DERA: variants seen among roughly 807,000 people sequenced by gnomAD.
DERA encodes the protein deoxyribose-phosphate aldolase.
A neutral mutation model predicts 41.1 loss-of-function variants in DERA; 15 were observed. The ratio of observed to expected loss-of-function variants is 0.37; its 90% CI spans 0.24 to 0.56. DERA has a LOEUF of 0.56. DERA is among the 20% of genes least tolerant of loss of function. The pLI is 0.81. For missense variants in DERA, 396 were observed against 403.4 expected (o/e 0.98, Z 0.16); for synonymous variants, 139 against 137.4 (o/e 1.01, Z -0.08).
rs946867096 is a variant in DERA, at chr12:15,999,348, A to T, written c.637+16912A>T. Among the ~76,000 whole-genome samples the T allele has an allele frequency of 4.6e-5, 7 of 152,192 alleles. No homozygotes were observed. Among genetic ancestry groups the T allele is most frequent in the African/African-American group, 1.7e-4 (7 of 41,438 alleles). ...TAGTTCCTGGCCTTAAAAAAGTGAC[A>T]TTATCTCTTAGTGTGGTGAAGAAGT... On this transcript the variant is annotated intron_variant, in intron 6 of 8. Transcript: ENST00000428559. This position sits in a 1 kb window ranked among gnomAD's most constrained non-coding sequence, Gnocchi z 5.3.
At chr12:16,029,207 G>A (rs992597290) in intron 6 of DERA, among the ~76,000 whole-genome samples, 1 of 152,200 alleles carries the variant, frequency 6.6e-6, no homozygotes, top group Non-Finnish European at 1.5e-5. Context: ...GGCTGAGGTG[G>A]GCGGATCACG....
intron 1 of DERA, among the ~76,000 whole-genome samples, chr12:15,933,220 T>C (rs1220544208): frequency 2.0e-5 from 3 of 152,162 alleles, no homozygotes; most frequent in Admixed American, 2.0e-4. Context: ...GTAGTTCTGT[T>C]TTTAATTTTT....
At position 15,966,490 on chromosome 12, in the gene DERA, G is replaced by T. The variant is rs1592023931; in HGVS notation, c.508+3543G>T. 6.6e-6 allele frequency among the ~76,000 whole-genome samples: 1 copy of T among 151,820 alleles called. No individual in the cohort carries two copies. Among genetic ancestry groups the T allele is most frequent in the East Asian group, 1.9e-4 (1 of 5,164 alleles). Reference sequence around the variant, plus strand: ...AAAAAAAAAAAAAGAATTCTGCAAAGAGTTATATTTATTTGTTTGTCTTGA... The same window carrying T: ...AAAAAAAAAAAAAGAATTCTGCAAATAGTTATATTTATTTGTTTGTCTTGA... On this transcript the variant is annotated intron_variant, in intron 5 of 8. Coordinates refer to ENST00000428559, the MANE Select transcript of DERA (RefSeq NM_015954.4). The surrounding 1 kb of genome is among the most constrained non-coding windows in gnomAD (Gnocchi z 5.1).
rs1452728133 is a variant in DERA, at chr12:15,940,342, A to G, written c.32-16594A>G. The stretch of plus-strand genomic sequence containing the variant: ...TAATAACTACTGCTTTCCTTTTTTT[A>G]TTTTATTTTATTATTATTTTTTTAT... On this transcript the variant is annotated intron_variant, in intron 1 of 8. Coordinates refer to ENST00000428559, the MANE Select transcript of DERA (RefSeq NM_015954.4). The surrounding 1 kb of genome is among the most constrained non-coding windows in gnomAD (Gnocchi z 5.1). Among the ~76,000 whole-genome samples the G allele has an allele frequency of 2.0e-5, 3 of 151,504 alleles. No individual in the cohort carries two copies. Among genetic ancestry groups the G allele is most frequent in the Admixed American group, 6.6e-5 (1 of 15,206 alleles).
intron 5 of DERA, among the ~76,000 whole-genome samples, chr12:15,978,659 T>C (rs911687704): frequency 6.6e-6 from 1 of 152,220 alleles, no homozygotes; most frequent in Admixed American, 6.5e-5. Context: ...TTGTTTGTGA[T>C]ATATAGTAAG....
At chr12:16,032,918 A>G in intron 7 of DERA, 1 of 345,442 alleles carries the variant, frequency 2.9e-6, no homozygotes, top group Non-Finnish European at 5.3e-6. Flanking sequence ...ACCGAAGACA[A>G]TTTTGTCACT....
chr12:15,991,495 A>C (rs545666362), intron 6 of DERA, among the ~76,000 whole-genome samples: 38 of 152,316 alleles, frequency 2.5e-4, no homozygotes, highest in Admixed American at 7.2e-4. Flanking sequence ...TAGCAGCAAC[A>C]TCAGCTCTTC....
intron 1 of DERA, among the ~76,000 whole-genome samples, chr12:15,926,503 G>A (rs1413098855): frequency 2.0e-5 from 3 of 152,062 alleles, no homozygotes; most frequent in Non-Finnish European, 4.4e-5. Flanking sequence ...TTGGGAGGCC[G>A]AGGCGGGCGG....
chr12:15,941,094 G>T lies in DERA; in HGVS notation c.32-15842G>T, dbSNP rs1009616037. Among the ~76,000 whole-genome samples the T allele has an allele frequency of 6.6e-6, 1 of 152,162 alleles. No homozygotes were observed. The highest frequency in any genetic ancestry group is 1.5e-5 in the Non-Finnish European group (1 of 68,032). ...AGCCTGACCCAAAGAAAATAGTTTA[G>T]ATTTACAGAATTTGATAAATCATAA... On this transcript the variant is annotated intron_variant, in intron 1 of 8. Coordinates refer to ENST00000428559, the MANE Select transcript of DERA (RefSeq NM_015954.4). This position sits in a 1 kb window ranked among gnomAD's most constrained non-coding sequence, Gnocchi z 4.5.
chr12:15,960,887 G>T (rs561220144), intron 4 of DERA, among the ~76,000 whole-genome samples: 5 of 152,270 alleles, frequency 3.3e-5, no homozygotes, highest in East Asian at 1.9e-4. Flanking sequence ...AACTGGAAAA[G>T]GTTTGCTGTT....
At chr12:16,022,532 A>C (rs1949023492) in intron 6 of DERA, among the ~76,000 whole-genome samples, 1 of 152,194 alleles carries the variant, frequency 6.6e-6, no homozygotes, top group Non-Finnish European at 1.5e-5. Context: ...CTAGACAATA[A>C]AGGCTTGGCT....
intron 1 of DERA, among the ~76,000 whole-genome samples, chr12:15,919,645 G>T (rs1453642114): frequency 6.6e-6 from 1 of 152,214 alleles, no homozygotes; most frequent in Non-Finnish European, 1.5e-5. Flanking sequence ...CAAAGTGGTT[G>T]CAAGGGAAGG....
chr12:16,029,913 CTTTTTTT>C (rs71438364), intron 6 of DERA, among the ~76,000 whole-genome samples: 18 of 59,688 alleles, frequency 3.0e-4, no homozygotes, highest in Non-Finnish European at 5.3e-4. Context: ...TAGCCTTGGT[CTTTTTTT>C]TTTTTTTTTT....
chr12:15,981,240 C>A lies in DERA; in HGVS notation c.509-1068C>A, dbSNP rs960331211. Reference sequence around the variant, plus strand: ...GCAGGCGCCTGTAGTCCCAGCTACTCGGGAGGCTGAGGCAGGAGAATGGCG... The same window carrying A: ...GCAGGCGCCTGTAGTCCCAGCTACTAGGGAGGCTGAGGCAGGAGAATGGCG... On this transcript the variant is annotated intron_variant, in intron 5 of 8. Transcript: ENST00000428559. The surrounding 1 kb of genome is among the most constrained non-coding windows in gnomAD (Gnocchi z 6.1). Among the ~76,000 whole-genome samples the A allele has an allele frequency of 3.3e-5, 5 of 152,010 alleles. No homozygotes were observed. Among genetic ancestry groups the A allele is most frequent in the Non-Finnish European group, 5.9e-5 (4 of 68,014 alleles).
rs948905776 is a variant in DERA, at chr12:15,996,804, T to A, written c.637+14368T>A. On this transcript the variant is annotated intron_variant, in intron 6 of 8. Coordinates refer to ENST00000428559, the MANE Select transcript of DERA (RefSeq NM_015954.4). The surrounding 1 kb of genome is among the most constrained non-coding windows in gnomAD (Gnocchi z 4.7). ...TTGACTCAAACCCAGCAAACTTGAATTCAGGTACAAAAGATTGATTTTTCC... is the reference window on the plus strand; with the variant it reads ...TTGACTCAAACCCAGCAAACTTGAAATCAGGTACAAAAGATTGATTTTTCC... Among the ~76,000 whole-genome samples, 1 of 152,204 alleles carries A rather than the reference T, an allele frequency of 6.6e-6. No homozygotes were observed. Among genetic ancestry groups the A allele is most frequent in the Non-Finnish European group, 1.5e-5 (1 of 68,036 alleles).
rs1450820310 is a variant in DERA, at chr12:15,965,590, T to C, written c.508+2643T>C. ...TCTCATGGATGTGAGAGTCCACAGT[T>C]TAGGGTATGAATTCGAGGAGACTGG... On this transcript the variant is annotated intron_variant, in intron 5 of 8. Coordinates refer to ENST00000428559, the MANE Select transcript of DERA (RefSeq NM_015954.4). This position sits in a 1 kb window ranked among gnomAD's most constrained non-coding sequence, Gnocchi z 4.1. 2.6e-5 allele frequency among the ~76,000 whole-genome samples: 4 copies of C among 152,056 alleles called. No individual in the cohort carries two copies. Among genetic ancestry groups the C allele is most frequent in the Admixed American group, 6.6e-5 (1 of 15,266 alleles).
Position 16,012,271 on chromosome 12 carries a change from A to G in DERA, c.638-20271A>G, listed in dbSNP as rs993018641. Among the ~76,000 whole-genome samples the G allele has an allele frequency of 1.3e-5, 2 of 152,222 alleles. No homozygotes were observed. The highest frequency in any genetic ancestry group is 2.9e-5 in the Non-Finnish European group (2 of 68,036). On this transcript the variant is annotated intron_variant, in intron 6 of 8. Transcript: ENST00000428559. This position sits in a 1 kb window ranked among gnomAD's most constrained non-coding sequence, Gnocchi z 4.1. ...TTTTAGAGTTACTCCTGTGTATTTG[A>G]AAACTGAAAGCAAAGCCAGTTCCAG...
rs1948950218 is a variant in DERA, at chr12:16,012,080, T to G, written c.638-20462T>G. On this transcript the variant is annotated intron_variant, in intron 6 of 8. Transcript: ENST00000428559. This position sits in a 1 kb window ranked among gnomAD's most constrained non-coding sequence, Gnocchi z 4.1. Reference sequence around the variant, plus strand: ...GGCAGAGTTTGGTAAAGAAAAGCCTTGTCTTGTACACTGCTGTGTATGCAC... The same window carrying G: ...GGCAGAGTTTGGTAAAGAAAAGCCTGGTCTTGTACACTGCTGTGTATGCAC... Among the ~76,000 whole-genome samples, 1 of 152,230 alleles carries G rather than the reference T, an allele frequency of 6.6e-6. No individual in the cohort carries two copies. The highest frequency in any genetic ancestry group is 2.4e-5 in the African/African-American group (1 of 41,462).
chr12:16,002,107 T>C (rs1332508537), intron 6 of DERA, among the ~76,000 whole-genome samples: 4 of 151,658 alleles, frequency 2.6e-5, no homozygotes, highest in African/African-American at 9.7e-5. Context: ...TAACATTAGG[T>C]ATATCTTCTA....
Sources: gnomAD v4.1 joint callset for allele counts (sites outside exome capture counted in the v4.1 genomes callset) on GRCh38, gnomAD v4.1.1 for gene constraint, Gnocchi (gnomAD v3.1) non-coding constraint, MANE v1.5 for transcripts, NCBI Gene and HGNC (gene_info 2026-07-23, HGNC 2026-07-21) for gene names.